Variants in SLIT1 observed in about 807,000 individuals in gnomAD.
SLIT1 encodes slit homolog 1 protein.
Under a neutral mutation model 186.1 loss-of-function variants are expected in SLIT1, and 66 were observed. The ratio of observed to expected loss-of-function variants is 0.35; its 90% CI spans 0.29 to 0.44. SLIT1 has a LOEUF of 0.44. Ranked by LOEUF, SLIT1 falls within the 20% of genes least tolerant of loss-of-function variation. SLIT1 has a pLI of 1.00. For missense variants in SLIT1, 1,638 were observed against 2,037.4 expected (o/e 0.80, Z 3.77); for synonymous variants, 761 against 833.8 (o/e 0.91, Z 1.50).
chr10:97,171,155 T>G (rs1357058416), intron 1 of SLIT1, among the ~76,000 whole-genome samples: 2 of 152,192 alleles, frequency 1.3e-5, no homozygotes, highest in Non-Finnish European at 2.9e-5. Flanking sequence ...AATCTTACCC[T>G]GGCCAAGGCT....
intron 4 of SLIT1, among the ~76,000 whole-genome samples, chr10:97,128,407 T>C (rs2784936): frequency 6.6e-6 from 1 of 151,966 alleles, no homozygotes; most frequent in East Asian, 1.9e-4. Flanking sequence ...GTGTGCATGC[T>C]CACACTCTCC....
intron 7 of SLIT1, 66 bp downstream of exon 7, chr10:97,064,102 C>T: frequency 3.8e-6 from 5 of 1,329,802 alleles, no homozygotes; most frequent in Non-Finnish European, 5.3e-6. Flanking sequence ...TCACCTCCTG[C>T]CCCACCCACC....
At chr10:97,130,164 T>C (rs1253821200) in intron 4 of SLIT1, among the ~76,000 whole-genome samples, 1 of 152,202 alleles carries the variant, frequency 6.6e-6, no homozygotes, top group Non-Finnish European at 1.5e-5. Flanking sequence ...TGTGCTCAGA[T>C]ACAGGGATTT....
At chr10:97,113,518 A>G (rs140800777) in intron 4 of SLIT1, among the ~76,000 whole-genome samples, 2,103 of 149,550 alleles carry the variant, frequency 0.014, 25 homozygotes, top group Non-Finnish European at 0.022. Context: ...GATGACAGGC[A>G]TGAGCCACCA....
intron 1 of SLIT1, 103 bp downstream of exon 1, chr10:97,185,375 G>C: frequency 8.5e-7 from 1 of 1,173,378 alleles, no homozygotes; most frequent in South Asian, 1.5e-5. Flanking sequence ...TGCGGAGCCC[G>C]GACGGGCCCC....
intron 30 of SLIT1, among the ~76,000 whole-genome samples, chr10:97,012,849 C>T (rs1169404193): frequency 1.3e-5 from 2 of 152,158 alleles, no homozygotes; most frequent in Non-Finnish European, 2.9e-5. Flanking sequence ...AGCCACAAGC[C>T]CCAGGAAGCT....
In SLIT1 at chr10:97,043,387, G is replaced by A. The variant is rs769778056; in HGVS notation, c.1980C>T (p.Leu660=). ...GGACTCACAGTGTGGAGAGGGACTG[G>A]AGGGTGTCGAAGGCTCCTGGGGATA... ...TTVSPGAFDT[L]QSLSTLNLLA... The change falls in exon 19 of 37, where the codon CTC becomes CTT. Residue 660 remains leucine, a synonymous_variant. Transcript: ENST00000266058. The surrounding 1 kb of genome is among the most constrained non-coding windows in gnomAD (Gnocchi z 7.0). 1 of 1,613,736 alleles carries A rather than the reference G, an allele frequency of 6.2e-7. No homozygotes were observed. The highest frequency in any genetic ancestry group is 8.5e-7 in the Non-Finnish European group (1 of 1,180,022).
In SLIT1 at chr10:97,068,303, G is replaced by T. The variant is rs1338418881; in HGVS notation, c.414-2217C>A. Among the ~76,000 whole-genome samples, 4 of 152,058 alleles carry T rather than the reference G, an allele frequency of 2.6e-5. No homozygotes were observed. The highest frequency in any genetic ancestry group is 9.7e-5 in the African/African-American group (4 of 41,356). On this transcript the variant is annotated intron_variant, in intron 4 of 36. Transcript: ENST00000266058. The surrounding 1 kb of genome is among the most constrained non-coding windows in gnomAD (Gnocchi z 4.2). Reference sequence around the variant, plus strand: ...CCCCTCCTGGCCATACATCTGCAAGGCACCCTTCCCCTCCCGAGCCCAGTT... The same window carrying T: ...CCCCTCCTGGCCATACATCTGCAAGTCACCCTTCCCCTCCCGAGCCCAGTT...
At chr10:97,185,201 G>A (rs1464046588) in intron 1 of SLIT1, among the ~76,000 whole-genome samples, 1 of 152,260 alleles carries the variant, frequency 6.6e-6, no homozygotes, top group Non-Finnish European at 1.5e-5. Flanking sequence ...CTGGCGCAGT[G>A]AGGAGGGCCT....
At chr10:97,048,228 T>C (rs551987941) in intron 14 of SLIT1, among the ~76,000 whole-genome samples, 1 of 152,274 alleles carries the variant, frequency 6.6e-6, no homozygotes, top group African/African-American at 2.4e-5. Context: ...GCCAAAACCA[T>C]CGAGCTCTCA....
At chr10:97,128,234 T>C (rs1849621592) in intron 4 of SLIT1, among the ~76,000 whole-genome samples, 2 of 152,008 alleles carry the variant, frequency 1.3e-5, no homozygotes, top group African/African-American at 4.8e-5. Context: ...TCCCTCCCCT[T>C]CCCTGCAAGC....
intron 30 of SLIT1, among the ~76,000 whole-genome samples, chr10:97,012,665 A>T (rs2861826): frequency 6.6e-6 from 1 of 152,238 alleles, no homozygotes; most frequent in Non-Finnish European, 1.5e-5. Context: ...GGGAGCCCCC[A>T]CAGGAGTACA....
At chr10:97,019,746 C>T (rs540444325) in intron 26 of SLIT1, among the ~76,000 whole-genome samples, 4 of 152,164 alleles carry the variant, frequency 2.6e-5, no homozygotes, top group African/African-American at 7.2e-5. Flanking sequence ...ACAGCCAGGC[C>T]GCCTGGGACA....
chr10:97,031,627 C>T lies in SLIT1; in HGVS notation c.2489G>A (p.Gly830Glu). ...TTACAGCAGGCGCAGGGAGCGGAGT[C>T]CCTGGAAGGCCAAAGGCGGGATGCA... ...LQCIPPLAFQ[G>E]LRSLRLLSLH... is the part of the protein sequence containing the mutation. The change falls in exon 24 of 37, where the codon GGA becomes GAA. Residue 830 changes from glycine (G) to glutamate (E), a missense_variant. Physicochemically the swap from Gly to Glu is moderately conservative, Grantham distance 98. This residue lies in a region of SLIT1 where 1,245 missense variants were observed against 1,535.3 expected (regional missense o/e 0.81). Coordinates refer to ENST00000266058, the MANE Select transcript of SLIT1 (RefSeq NM_003061.3). 6.4e-7 allele frequency: 1 copy of T among 1,552,044 alleles called. No homozygotes were observed. The highest frequency in any genetic ancestry group is 8.7e-7 in the Non-Finnish European group (1 of 1,147,112).
Position 97,169,593 on chromosome 10 carries a change from G to A in SLIT1, c.198-4703C>T, listed in dbSNP as rs367593696. 2.6e-5 allele frequency among the ~76,000 whole-genome samples: 4 copies of A among 152,194 alleles called. No homozygotes were observed. The South Asian group carries it at 8.3e-4, about 32-fold the overall frequency. ...ATGCTGCTAGGACCTTAAGCCCCAGGGCAGCCAGGGCAGCCGGTGGAGTAG... is the reference window on the plus strand; with the variant it reads ...ATGCTGCTAGGACCTTAAGCCCCAGAGCAGCCAGGGCAGCCGGTGGAGTAG... On this transcript the variant is annotated intron_variant, in intron 1 of 36. Transcript: ENST00000266058.
intron 1 of SLIT1, among the ~76,000 whole-genome samples, chr10:97,171,902 T>A (rs1460385916): frequency 1.3e-5 from 2 of 151,914 alleles, no homozygotes; most frequent in Admixed American, 6.5e-5. Flanking sequence ...TGCCCCATGC[T>A]CCTTCTGACT....
At position 97,043,505 on chromosome 10, in the gene SLIT1, C is replaced by A; in HGVS notation, c.1862G>T (p.Arg621Leu). The change falls in exon 19 of 37, where the codon CGG becomes CTG. Residue 621 changes from arginine to leucine, a missense_variant. Transcript: ENST00000266058. This position sits in a 1 kb window ranked among gnomAD's most constrained non-coding sequence, Gnocchi z 7.0. ...GLDGLRTLML[R>L]NNRISCIHND... ...GTGGATGCAGCTGATGCGGTTGTTCCGCAGCATTCTGGGGAGGAACGGGGG... is the reference window on the plus strand; with the variant it reads ...GTGGATGCAGCTGATGCGGTTGTTCAGCAGCATTCTGGGGAGGAACGGGGG... 1 of 1,613,416 alleles carries A rather than the reference C, an allele frequency of 6.2e-7. No individual in the cohort carries two copies. Among genetic ancestry groups the A allele is most frequent in the Non-Finnish European group, 8.5e-7 (1 of 1,179,924 alleles).
chr10:97,079,893 A>G (rs1849086513), intron 4 of SLIT1, among the ~76,000 whole-genome samples: 1 of 152,192 alleles, frequency 6.6e-6, no homozygotes, highest in African/African-American at 2.4e-5. Context: ...GGGTAGAACT[A>G]CAGGAGCAAG....
At chr10:97,125,848 A>AAAAAAAAAC (rs553491979) in intron 4 of SLIT1, among the ~76,000 whole-genome samples, 2 of 142,346 alleles carry the variant, frequency 1.4e-5, no homozygotes, top group African/African-American at 2.9e-5. Context: ...AAACAAAAAC[A>AAAAAAAAAC]AAAAAAAACA....
Sources: gnomAD v4.1 joint callset for allele counts (sites outside exome capture counted in the v4.1 genomes callset) on GRCh38, gnomAD v4.1.1 for gene constraint, gnomAD v4.1.1 regional missense constraint, Gnocchi (gnomAD v3.1) non-coding constraint, MANE v1.5 for transcripts, NCBI Gene and HGNC (gene_info 2026-07-23, HGNC 2026-07-21) for gene names.